Variants in PLS3 observed in about 807,000 individuals in gnomAD.
The protein encoded by PLS3 is plastin-3.
Under a neutral mutation model 46.5 loss-of-function variants are expected in PLS3, and 11 were observed. That is an observed-to-expected ratio of 0.24 (90% CI 0.15 to 0.39). The LOEUF is 0.39. PLS3 is among the 10% of genes least tolerant of loss of function. The pLI is 1.00. For synonymous variants in PLS3, 167 were observed against 162.2 expected (o/e 1.03, Z -0.22); for missense variants, 308 against 461.8 (o/e 0.67, Z 3.05).
intron 10 of PLS3, 63 bp downstream of exon 10, chrX:115,643,571 G>T (rs2074919984): frequency 1.6e-6 from 1 of 633,428 alleles, no homozygotes. Context: ...AGGCCACAAT[G>T]ATTTTACAAT....
intron 1 of PLS3, among the ~76,000 whole-genome samples, chrX:115,606,996 T>A (rs1467858150): frequency 9.0e-6 from 1 of 110,620 alleles, no homozygotes; most frequent in African/African-American, 3.3e-5. Context: ...CTCATACCTG[T>A]AATACCAGCA....
At chrX:115,620,738 A>T (rs1322697335) in intron 2 of PLS3, among the ~76,000 whole-genome samples, 25 of 57,164 alleles carry the variant, frequency 4.4e-4, no homozygotes, top group Middle Eastern at 0.027. Context: ...TTTGAGATGG[A>T]GTCTTGCTCT....
At chrX:115,635,478 C>T (rs113933862) in intron 7 of PLS3, among the ~76,000 whole-genome samples, 3,393 of 108,029 alleles carry the variant, frequency 0.031, 55 homozygotes, top group South Asian at 0.11. Flanking sequence ...GGTGAAACCC[C>T]GTTTCTACTA....
At chrX:115,627,190 C>T (rs782530777) in intron 3 of PLS3, among the ~76,000 whole-genome samples, 1 of 111,592 alleles carries the variant, frequency 9.0e-6, no homozygotes, top group Admixed American at 9.6e-5. Context: ...AATTCCCAGA[C>T]GTTCTCTTTT....
At chrX:115,569,035 C>CAAAAAAA (rs782042707) in intron 1 of PLS3, among the ~76,000 whole-genome samples, 2 of 94,303 alleles carry the variant, frequency 2.1e-5, no homozygotes, top group African/African-American at 9.0e-5. Flanking sequence ...GACTCCGTTT[C>CAAAAAAA]AAAAAAAAAA....
intron 3 of PLS3, 107 bp from the exon 4 acceptor site, chrX:115,629,091 C>A: frequency 1.8e-6 from 1 of 550,620 alleles, no homozygotes; most frequent in South Asian, 3.8e-5. Context: ...CTTTTAACAT[C>A]AGCTATGGAA....
intron 1 of PLS3, among the ~76,000 whole-genome samples, chrX:115,568,886 A>G (rs1250714735): frequency 2.7e-5 from 3 of 111,294 alleles, no homozygotes; most frequent in Non-Finnish European, 5.6e-5. Flanking sequence ...ATACAAAAAA[A>G]CTAGCTGAGC....
intron 1 of PLS3, among the ~76,000 whole-genome samples, chrX:115,597,802 T>A (rs1556634055): frequency 9.0e-6 from 1 of 111,658 alleles, no homozygotes; most frequent in Admixed American, 9.6e-5. Context: ...CTAATCAGTG[T>A]ATATAATAAT....
At chrX:115,571,798 T>C (rs1007471597) in intron 1 of PLS3, among the ~76,000 whole-genome samples, 1 of 112,194 alleles carries the variant, frequency 8.9e-6, no homozygotes, top group Admixed American at 9.5e-5. Flanking sequence ...GGTTATAAAG[T>C]AAACCAATAT....
At chrX:115,590,099 G>T (rs1318243305) in intron 1 of PLS3, among the ~76,000 whole-genome samples, 1 of 111,295 alleles carries the variant, frequency 9.0e-6, no homozygotes, top group Non-Finnish European at 1.9e-5. Context: ...CAGGTGATCC[G>T]CCCACCTCAG....
At chrX:115,638,521 A>G (rs2074860736) in intron 8 of PLS3, among the ~76,000 whole-genome samples, 1 of 111,132 alleles carries the variant, frequency 9.0e-6, no homozygotes, top group African/African-American at 3.3e-5. Context: ...CTGGGATTAC[A>G]GGCATGAGCC....
intron 8 of PLS3, among the ~76,000 whole-genome samples, chrX:115,638,020 C>G (rs1228348638): frequency 9.0e-6 from 1 of 111,397 alleles, no homozygotes; most frequent in African/African-American, 3.3e-5. Context: ...ACATGGCTCA[C>G]TGCAGCCTTT....
In PLS3 at chrX:115,645,347, A is replaced by G. The variant is rs151114413; in HGVS notation, c.1262+248A>G. On this transcript the variant is annotated intron_variant, in intron 11 of 15. Transcript: ENST00000355899. Reference sequence around the variant, plus strand: ...GTACCCTAGGGAGCAAATACTTTATATTTTGAAACAGCTGTTTGGGAGGTT... The same window carrying G: ...GTACCCTAGGGAGCAAATACTTTATGTTTTGAAACAGCTGTTTGGGAGGTT... 4.5e-3 allele frequency among the ~76,000 whole-genome samples: 503 copies of G among 111,047 alleles called. 2 individuals carry two copies. The highest frequency in any genetic ancestry group is 0.016 in the African/African-American group (476 of 30,587).
intron 1 of PLS3, among the ~76,000 whole-genome samples, chrX:115,578,569 CA>C (rs199560654): frequency 0.015 from 1,605 of 106,061 alleles, 22 homozygotes; most frequent in African/African-American, 0.048. Context: ...ACTAAAAATA[CA>C]AAAAATTAGA....
At chrX:115,566,462 C>T (rs1556630122) in intron 1 of PLS3, among the ~76,000 whole-genome samples, 2 of 108,194 alleles carry the variant, frequency 1.8e-5, no homozygotes, top group Non-Finnish European at 3.8e-5. Context: ...GATCTCGGCT[C>T]ACTGCAAGCT....
At chrX:115,626,963 C>T (rs1176765618) in intron 3 of PLS3, among the ~76,000 whole-genome samples, 2 of 109,364 alleles carry the variant, frequency 1.8e-5, no homozygotes, top group East Asian at 5.7e-4. Flanking sequence ...ATTCTCATGC[C>T]TCAGCCTCCC....
intron 3 of PLS3, among the ~76,000 whole-genome samples, chrX:115,627,469 G>A (rs1556638639): frequency 8.9e-6 from 1 of 112,214 alleles, no homozygotes; most frequent in Non-Finnish European, 1.9e-5. Flanking sequence ...TCAGAAAGAA[G>A]TAGACTAGTG....
chrX:115,591,508 T>C (rs2074345236), intron 1 of PLS3, among the ~76,000 whole-genome samples: 1 of 111,863 alleles, frequency 8.9e-6, no homozygotes, highest in South Asian at 3.9e-4. Context: ...ATTTCCTCAA[T>C]GATACTGCTA....
chrX:115,574,332 T>C (rs1327061265), intron 1 of PLS3, among the ~76,000 whole-genome samples: 3 of 112,106 alleles, frequency 2.7e-5, no homozygotes, highest in African/African-American at 6.5e-5. Context: ...GAAAATCTAA[T>C]CAGGAAATCA....
Sources: gnomAD v4.1 joint callset for allele counts (sites outside exome capture counted in the v4.1 genomes callset) on GRCh38, gnomAD v4.1.1 for gene constraint, MANE v1.5 for transcripts, NCBI Gene and HGNC (gene_info 2026-07-23, HGNC 2026-07-21) for gene names.